Variants in WTIP observed in about 807,000 individuals in gnomAD.
The protein encoded by WTIP is Wilms tumor protein 1-interacting protein.
In WTIP, 23 loss-of-function variants were observed where a neutral mutation model predicts 41.7. That is an observed-to-expected ratio of 0.55 (90% confidence interval 0.40 to 0.78). The LOEUF is 0.78. Ranked by LOEUF, WTIP falls within the 30% of genes least tolerant of loss-of-function variation. WTIP has a pLI of 0.00. For missense variants in WTIP, 619 were observed against 610.5 expected, an observed-to-expected ratio of 1.01 and a Z score of -0.15; for synonymous variants, 314 against 269.9, an observed-to-expected ratio of 1.16 and a Z score of -1.60.
intron 1 of WTIP, among the ~76,000 whole-genome samples, chr19:34,485,572 T>C (rs1331407563): frequency 2.0e-5 from 3 of 151,382 alleles, no homozygotes; most frequent in African/African-American, 7.3e-5. Context: ...GTCCTCAGAG[T>C]GTGGCTTTTT....
At chr19:34,482,700 A>G in intron 1 of WTIP, 59 bp downstream of exon 1, 2 of 1,215,610 alleles carry the variant, frequency 1.6e-6, no homozygotes, top group South Asian at 4.3e-5. Flanking sequence ...GGGTTCCGAG[A>G]CTGCCTCGGG....
intron 6 of WTIP, 42 bp from the exon 7 acceptor site, chr19:34,495,661 C>T (rs1206347733): frequency 6.2e-7 from 1 of 1,608,746 alleles, no homozygotes; most frequent in Non-Finnish European, 8.5e-7. Flanking sequence ...TGCCTCCAGT[C>T]CCCACATGCT....
At position 34,504,829 on chromosome 19, in the gene WTIP, C is replaced by G. The variant is rs572268947; in HGVS notation, c.*4560C>G. On this transcript the variant is annotated 3_prime_UTR_variant, in exon 8 of 8. Transcript: ENST00000590071. ...CCCCATCACGGGGTCCTGTCTCGTC[C>G]GGTCTGGCAGCCCTCATCTGGCCAG... The G allele has an allele frequency of 6.6e-6, 1 of 152,278 alleles. No homozygotes were observed. The highest frequency in any genetic ancestry group is 6.5e-5 in the Admixed American group (1 of 15,290). 9.4% of individuals were successfully genotyped at this position (152,278 alleles called of 1,614,324 possible).
In WTIP at chr19:34,506,801, TATAA is replaced by T. The variant is rs2075913612; in HGVS notation, c.*6538_*6541del. On this transcript the variant is annotated 3_prime_UTR_variant, in exon 8 of 8. Transcript: ENST00000590071. ...ATAAATAAATAAATAAATAAATGAA[TATAA>T]ATAAAACTGGTTAAAAATTGAGTCT... 1 of 150,634 alleles carries T rather than the reference TATAA, an allele frequency of 6.6e-6. No homozygotes were observed. Among genetic ancestry groups the T allele is most frequent in the Non-Finnish European group, 1.5e-5 (1 of 67,916 alleles). 9.3% of individuals were successfully genotyped at this position (150,634 alleles called of 1,614,324 possible).
chr19:34,488,497 C>G (rs752156422), intron 1 of WTIP, among the ~76,000 whole-genome samples: 2 of 152,108 alleles, frequency 1.3e-5, no homozygotes, highest in Non-Finnish European at 2.9e-5. Context: ...TCCTGAGTAA[C>G]TGGGACCACA....
chr19:34,490,536 TC>T, intron 2 of WTIP, 59 bp downstream of exon 2: 1 of 1,532,750 alleles, frequency 6.5e-7, no homozygotes, highest in Non-Finnish European at 9.0e-7. Context: ...TCATCCCCAT[TC>T]CCCTCAAACT....
chr19:34,496,728 A>AG (rs1036040637), intron 7 of WTIP, among the ~76,000 whole-genome samples: 1 of 142,062 alleles, frequency 7.0e-6, no homozygotes, highest in Non-Finnish European at 1.5e-5. Flanking sequence ...GAGTGAGGGC[A>AG]GGGGGAAGAG....
chr19:34,485,832 C>T (rs983183689), intron 1 of WTIP, among the ~76,000 whole-genome samples: 5 of 152,092 alleles, frequency 3.3e-5, no homozygotes, highest in Admixed American at 1.3e-4. Context: ...TGGATTCAGG[C>T]GATCCTCCCT....
chr19:34,486,710 C>T (rs1486365368), intron 1 of WTIP, among the ~76,000 whole-genome samples: 2 of 152,012 alleles, frequency 1.3e-5, no homozygotes, highest in Non-Finnish European at 2.9e-5. Flanking sequence ...ACCTTCCTCC[C>T]TCCTGGGACC....
chr19:34,487,035 C>A (rs1055553610), intron 1 of WTIP, among the ~76,000 whole-genome samples: 2 of 151,008 alleles, frequency 1.3e-5, no homozygotes, highest in Non-Finnish European at 2.9e-5. Flanking sequence ...CTCAAGTGAT[C>A]CTCCTGTCTC....
chr19:34,497,846 C>T (rs1249240960), intron 7 of WTIP, among the ~76,000 whole-genome samples: 2 of 152,190 alleles, frequency 1.3e-5, no homozygotes, highest in African/African-American at 2.4e-5. Context: ...AGGACCTCCG[C>T]GTCCCTCCAC....
rs575231891 is a variant in WTIP at position 34,490,315 on chromosome 19, C to G, written c.668-61C>G. Reference sequence around the variant, plus strand: ...GGTGGGCGGTGTCAAGACGGGGAGTCCGTCGGTGTGGCATAGGCTGTGGCG... The same window carrying G: ...GGTGGGCGGTGTCAAGACGGGGAGTGCGTCGGTGTGGCATAGGCTGTGGCG... On this transcript the variant is annotated intron_variant, in intron 1 of 7. Transcript: ENST00000590071. 3.9e-6 allele frequency: 6 copies of G among 1,520,030 alleles called. No individual in the cohort carries two copies. In the South Asian group the frequency reaches 4.5e-5, roughly 11 times the overall value. 94.2% of individuals were successfully genotyped at this position (1,520,030 alleles called of 1,614,324 possible).
chr19:34,495,905 C>T lies in WTIP; in HGVS notation c.1152+134C>T, dbSNP rs1201183623. On this transcript the variant is annotated intron_variant, in intron 7 of 7. Coordinates refer to ENST00000590071, the MANE Select transcript of WTIP (RefSeq NM_001080436.2). ...GGCTCGGTGGTTCATGCCTGTAATC[C>T]CAGCACTTTGGGAGGCTGAGGAGGG... 5 of 859,196 alleles carry T rather than the reference C, an allele frequency of 5.8e-6. No individual in the cohort carries two copies. The Admixed American group carries it at 6.9e-5, about 12-fold the overall frequency. 53.2% of individuals were successfully genotyped at this position (859,196 alleles called of 1,614,324 possible).
intron 1 of WTIP, among the ~76,000 whole-genome samples, chr19:34,490,031 GA>G (rs2075817670): frequency 6.6e-6 from 1 of 152,308 alleles, no homozygotes; most frequent in African/African-American, 2.4e-5. Flanking sequence ...TTTAACCCAG[GA>G]GTTTGAAACC....
intron 1 of WTIP, among the ~76,000 whole-genome samples, chr19:34,489,063 G>C (rs2075812122): frequency 6.6e-6 from 1 of 151,760 alleles, no homozygotes; most frequent in African/African-American, 2.4e-5. Context: ...GCCAGGTGTG[G>C]TGGCACATGC....
chr19:34,493,684 G>A lies in WTIP; in HGVS notation c.1031+62G>A, dbSNP rs1336922602. 1.2e-6 allele frequency: 2 copies of A among 1,604,754 alleles called. No homozygotes were observed. The highest frequency in any genetic ancestry group is 1.7e-6 in the Non-Finnish European group (2 of 1,175,238). On this transcript the variant is annotated intron_variant, in intron 5 of 7. Transcript: ENST00000590071. The surrounding 1 kb of genome is among the most constrained non-coding windows in gnomAD (Gnocchi z 4.1). ...GCCGTCCTCCCTGGCTCCTCTGGAA[G>A]CATTTTTTTCCTGCTGGACTGACTG...
In WTIP at chr19:34,482,581, G is replaced by T; in HGVS notation, c.607G>T (p.Glu203Ter). 1.6e-6 allele frequency: 2 copies of T among 1,230,642 alleles called. No homozygotes were observed. Among genetic ancestry groups the T allele is most frequent in the Non-Finnish European group, 2.0e-6 (2 of 987,758 alleles). 76.2% of individuals were successfully genotyped at this position (1,230,642 alleles called of 1,614,324 possible). Residue 203 changes from glutamate (E) to a stop codon, truncating the protein, a stop_gained, in exon 1 of 8, where the codon GAG (glutamate) becomes TAG (stop). Transcript: ENST00000590071. LOFTEE classifies it high-confidence loss of function. ...GGPSAAERRL[E>*]ALTRELERAL... ...CCCAAGCGCGGCCGAGCGGCGGCTGGAGGCGCTCACCCGGGAGCTGGAGCG... is the reference window on the plus strand; with the variant it reads ...CCCAAGCGCGGCCGAGCGGCGGCTGTAGGCGCTCACCCGGGAGCTGGAGCG...
chr19:34,498,911 A>C (rs964591929), intron 7 of WTIP, among the ~76,000 whole-genome samples: 4 of 140,896 alleles, frequency 2.8e-5, no homozygotes, highest in South Asian at 2.3e-4. Flanking sequence ...AAAAACAAAA[A>C]ACCCCATCAC....
Position 34,482,628 on chromosome 19 carries a change from G to A in WTIP, c.654G>A (p.Ala218=). 1 of 1,229,308 alleles carries A rather than the reference G, an allele frequency of 8.1e-7. No individual in the cohort carries two copies. The highest frequency in any genetic ancestry group is 1.0e-6 in the Non-Finnish European group (1 of 986,466). 76.2% of individuals were successfully genotyped at this position (1,229,308 alleles called of 1,614,324 possible). A position where few individuals can be genotyped will look rare whatever the true frequency, so the allele number is the denominator to read the frequency against. Residue 218 remains alanine (A), a synonymous_variant, in exon 1 of 8, where the codon GCG becomes GCA. Coordinates refer to ENST00000590071, the MANE Select transcript of WTIP (RefSeq NM_001080436.2). The part of the protein sequence containing the change: ...ELERALEART[A]RDYFGICIKC... Reference sequence around the variant, plus strand: ...AGCGGGCGCTCGAGGCGCGCACGGCGCGGGACTACTTCGGTGAGCTCGCTC... The same window carrying A: ...AGCGGGCGCTCGAGGCGCGCACGGCACGGGACTACTTCGGTGAGCTCGCTC...
Sources: gnomAD v4.1 joint callset for allele counts (sites outside exome capture counted in the v4.1 genomes callset) on GRCh38, gnomAD v4.1.1 for gene constraint, Gnocchi (gnomAD v3.1) non-coding constraint, MANE v1.5 for transcripts, NCBI Gene and HGNC (gene_info 2026-07-23, HGNC 2026-07-21) for gene names.